Variants in SCAMP1 observed in about 807,000 individuals in gnomAD.
SCAMP1 encodes secretory carrier membrane protein 1.
In SCAMP1, 15 loss-of-function variants were observed where a neutral mutation model predicts 41.8. The ratio of observed to expected loss-of-function variants is 0.36; its 90% CI spans 0.24 to 0.55. The LOEUF is 0.55. Ranked by LOEUF, SCAMP1 falls within the 20% of genes least tolerant of loss-of-function variation. SCAMP1 has a pLI of 0.86. For synonymous variants in SCAMP1, 135 were observed against 136.8 expected, an observed-to-expected ratio of 0.99 and a Z score of 0.09; for missense variants, 341 against 412.6, an observed-to-expected ratio of 0.83 and a Z score of 1.50.
intron 2 of SCAMP1, among the ~76,000 whole-genome samples, chr5:78,412,141 CTAAT>C (rs1384692016): frequency 2.4e-4 from 37 of 151,510 alleles, no homozygotes; most frequent in Admixed American, 2.2e-3. Context: ...AATGTATTAA[CTAAT>C]TGTTGTATAT....
chr5:78,423,600 C>T (rs1752394025), intron 6 of SCAMP1, among the ~76,000 whole-genome samples: 1 of 151,868 alleles, frequency 6.6e-6, no homozygotes, highest in East Asian at 1.9e-4. Context: ...TTTAAACCTT[C>T]TGTTACTTAT....
chr5:78,362,135 C>T (rs1447212551), intron 1 of SCAMP1, among the ~76,000 whole-genome samples: 1 of 151,718 alleles, frequency 6.6e-6, no homozygotes, highest in East Asian at 1.9e-4. Context: ...GGACTTGCTT[C>T]CATGTTGTGG....
intron 6 of SCAMP1, among the ~76,000 whole-genome samples, chr5:78,422,524 A>AT (rs1486325369): frequency 6.6e-6 from 1 of 152,160 alleles, no homozygotes; most frequent in African/African-American, 2.4e-5. Flanking sequence ...TAGGGTTAAC[A>AT]TTTCCTTAGC....
chr5:78,379,549 T>C (rs4565193), intron 1 of SCAMP1, among the ~76,000 whole-genome samples: 68,371 of 151,986 alleles, frequency 0.45, 16,191 homozygotes, highest in Non-Finnish European at 0.51. Context: ...AGAAAATGAT[T>C]TTATCAAATT....
intron 6 of SCAMP1, among the ~76,000 whole-genome samples, chr5:78,442,718 A>C (rs1356541085): frequency 1.3e-5 from 2 of 152,214 alleles, no homozygotes; most frequent in Non-Finnish European, 2.9e-5. Flanking sequence ...TTGTCTGTTT[A>C]AGCTTTCTAC....
chr5:78,457,474 G>T (rs1404011541), intron 7 of SCAMP1, among the ~76,000 whole-genome samples: 1 of 152,114 alleles, frequency 6.6e-6, no homozygotes, highest in Non-Finnish European at 1.5e-5. Context: ...CCTGCTGGGG[G>T]GTGCCTCCCA....
chr5:78,373,391 T>C (rs1306499322), intron 1 of SCAMP1, among the ~76,000 whole-genome samples: 2 of 152,160 alleles, frequency 1.3e-5, no homozygotes, highest in African/African-American at 4.8e-5. Context: ...TTAGGCTTGC[T>C]ACATCCAATA....
At chr5:78,429,846 G>T (rs1470642257) in intron 6 of SCAMP1, among the ~76,000 whole-genome samples, 2 of 151,878 alleles carry the variant, frequency 1.3e-5, no homozygotes, top group Non-Finnish European at 2.9e-5. Context: ...TCCATTTCTT[G>T]ATTTTTAAGT....
intron 8 of SCAMP1, among the ~76,000 whole-genome samples, chr5:78,473,479 A>G (rs929351627): frequency 1.3e-5 from 2 of 152,012 alleles, no homozygotes; most frequent in Non-Finnish European, 2.9e-5. Context: ...AACAATTTCA[A>G]GTTTTATTTT....
At chr5:78,428,145 C>T (rs543921660) in intron 6 of SCAMP1, among the ~76,000 whole-genome samples, 98 of 152,106 alleles carry the variant, frequency 6.4e-4, no homozygotes, top group African/African-American at 2.1e-3. Context: ...CTTATATTTT[C>T]TCCTAGAAGT....
chr5:78,402,873 GTTTGT>G (rs901870754), intron 2 of SCAMP1, among the ~76,000 whole-genome samples: 5 of 151,732 alleles, frequency 3.3e-5, no homozygotes, highest in African/African-American at 9.7e-5. Flanking sequence ...ACTCTTGGTG[GTTTGT>G]TTTGTTTTAT....
In SCAMP1 at chr5:78,457,540, G is replaced by A. The variant is rs548378323; in HGVS notation, c.735-1705G>A. Among the ~76,000 whole-genome samples the A allele has an allele frequency of 4.5e-3, 682 of 152,218 alleles. 2 individuals carry two copies. The highest frequency in any genetic ancestry group is 6.8e-3 in the Non-Finnish European group (465 of 68,008). On this transcript the variant is annotated intron_variant, in intron 7 of 8. Transcript: ENST00000621999. ...ACCCAGTTGAGGAGGCAGTCTGCCC[G>A]TTCTCAGATCTCCAGCTGCGTGCTG...
intron 2 of SCAMP1, among the ~76,000 whole-genome samples, chr5:78,401,506 T>G (rs1193777491): frequency 6.6e-6 from 1 of 152,168 alleles, no homozygotes; most frequent in Non-Finnish European, 1.5e-5. Context: ...GCAATATCTT[T>G]AATAAATAGA....
At chr5:78,412,947 A>G (rs1752117490) in intron 2 of SCAMP1, among the ~76,000 whole-genome samples, 1 of 152,118 alleles carries the variant, frequency 6.6e-6, no homozygotes, top group African/African-American at 2.4e-5. Flanking sequence ...CTACTGTTTC[A>G]GGGACTATTT....
At chr5:78,465,014 A>G (rs1753710610) in intron 8 of SCAMP1, among the ~76,000 whole-genome samples, 1 of 152,150 alleles carries the variant, frequency 6.6e-6, no homozygotes, top group Admixed American at 6.5e-5. Flanking sequence ...CCGTGCATTA[A>G]TTCGTCTTCT....
In SCAMP1 at chr5:78,478,182, C is replaced by T. The variant is rs1171703607; in HGVS notation, c.*2514C>T. ...TGTCATGGTTCTACAGAAATGCCCT[C>T]CATGTGTCCCTCTAATGTTGCATGT... is the stretch of plus-strand genomic sequence containing the variant. On this transcript the variant is annotated 3_prime_UTR_variant, in exon 9 of 9. Transcript: ENST00000621999. The T allele has an allele frequency of 6.6e-6, 1 of 152,552 alleles. No individual in the cohort carries two copies. Among genetic ancestry groups the T allele is most frequent in the African/African-American group, 2.4e-5 (1 of 41,446 alleles). The allele number at this position is 152,552 out of a possible 1,614,324, so 9.4% of individuals were successfully genotyped here. A position where few individuals can be genotyped will look rare whatever the true frequency, so the allele number is the denominator to read the frequency against.
chr5:78,400,901 C>A (rs1751782655), intron 2 of SCAMP1, among the ~76,000 whole-genome samples: 1 of 152,082 alleles, frequency 6.6e-6, no homozygotes, highest in Non-Finnish European at 1.5e-5. Flanking sequence ...TGAGAGGGGA[C>A]ATCCTTGCCT....
intron 8 of SCAMP1, among the ~76,000 whole-genome samples, chr5:78,461,368 G>A (rs1210282072): frequency 6.6e-6 from 1 of 152,094 alleles, no homozygotes; most frequent in African/African-American, 2.4e-5. Context: ...TGAGAAGTAG[G>A]GGTCAATTTT....
chr5:78,463,538 C>T (rs1180751436), intron 8 of SCAMP1, among the ~76,000 whole-genome samples: 3 of 152,184 alleles, frequency 2.0e-5, no homozygotes, highest in African/African-American at 7.2e-5. Context: ...GTCATCTTCT[C>T]ACAGTAATGC....
Sources: allele counts gnomAD v4.1 joint callset (sites outside exome capture counted in the v4.1 genomes callset), GRCh38; gene constraint gnomAD v4.1.1; transcripts MANE v1.5; gene names NCBI Gene and HGNC (gene_info 2026-07-23, HGNC 2026-07-21).